Variants in STAU2 observed in about 807,000 individuals in gnomAD.
STAU2 encodes the protein double-stranded RNA-binding protein Staufen homolog 2.
Under a neutral mutation model 65.9 loss-of-function variants are expected in STAU2, and 20 were observed. The observed-to-expected ratio is 0.30, with a 90% CI of 0.21 to 0.44. The LOEUF (loss-of-function observed/expected upper bound fraction) is 0.44. Ranked by LOEUF, STAU2 falls within the 20% of genes least tolerant of loss-of-function variation. STAU2 has a pLI of 1.00. For missense variants in STAU2, 558 were observed against 683.9 expected, an observed-to-expected ratio of 0.82 and a Z score of 2.05; for synonymous variants, 232 against 233.9, an observed-to-expected ratio of 0.99 and a Z score of 0.07.
intron 13 of STAU2, chr8:73,527,396 T>G: frequency 4.0e-6 from 1 of 247,920 alleles, no homozygotes; most frequent in Non-Finnish European, 8.1e-6. Context: ...ACCCTTCCTC[T>G]CATATATAAC....
At chr8:73,601,764 G>A (rs1028543050) in intron 10 of STAU2, among the ~76,000 whole-genome samples, 1 of 152,138 alleles carries the variant, frequency 6.6e-6, no homozygotes, top group African/African-American at 2.4e-5. Flanking sequence ...CCTAAGATAT[G>A]CTAAATTCCT....
At chr8:73,440,008 G>GC (rs1214602192) in intron 13 of STAU2, 1 of 152,254 alleles carries the variant, frequency 6.6e-6, no homozygotes, top group African/African-American at 2.4e-5. Context: ...TAAGAGCGAA[G>GC]CTCAGGGTGC....
At chr8:73,512,164 T>A (rs1314074732) in intron 13 of STAU2, among the ~76,000 whole-genome samples, 2 of 152,228 alleles carry the variant, frequency 1.3e-5, no homozygotes, top group Admixed American at 1.3e-4. Flanking sequence ...ACAGTAAAAC[T>A]TAAAATTCAG....
At chr8:73,670,561 G>C (rs1236573357) in intron 6 of STAU2, 1 of 152,086 alleles carries the variant, frequency 6.6e-6, no homozygotes, top group Non-Finnish European at 1.5e-5. Flanking sequence ...GAGAGGAAAA[G>C]GGAAGGGCAG....
intron 11 of STAU2, among the ~76,000 whole-genome samples, chr8:73,592,224 GAAGA>G (rs1472944888): frequency 1.3e-5 from 2 of 150,930 alleles, no homozygotes; most frequent in Non-Finnish European, 3.0e-5. Context: ...AAACTGAACA[GAAGA>G]AAAAGAGAAA....
At chr8:73,549,108 A>G (rs1807141973) in intron 13 of STAU2, among the ~76,000 whole-genome samples, 1 of 152,164 alleles carries the variant, frequency 6.6e-6, no homozygotes, top group Non-Finnish European at 1.5e-5. Flanking sequence ...CATTATAGTA[A>G]AAGTGTACAC....
At chr8:73,464,210 A>G (rs1002488328) in intron 13 of STAU2, among the ~76,000 whole-genome samples, 2 of 152,112 alleles carry the variant, frequency 1.3e-5, no homozygotes, top group African/African-American at 4.8e-5. Flanking sequence ...CAGATAGATC[A>G]AGCAGAACCC....
intron 13 of STAU2, chr8:73,527,835 A>G (rs1471496909): frequency 6.7e-7 from 1 of 1,485,290 alleles, no homozygotes; most frequent in Admixed American, 2.0e-5. Context: ...TCCACTGAAC[A>G]CCATTTTCAG....
intron 13 of STAU2, among the ~76,000 whole-genome samples, chr8:73,498,621 G>A (rs966352847): frequency 2.0e-5 from 3 of 151,530 alleles, no homozygotes; most frequent in African/African-American, 4.8e-5. Flanking sequence ...TAGGCATGGC[G>A]CTGACATAAA....
chr8:73,582,705 G>C, intron 12 of STAU2, 65 bp downstream of exon 12: 7 of 1,501,814 alleles, frequency 4.7e-6, no homozygotes, highest in Non-Finnish European at 6.5e-6. Flanking sequence ...ACCAATCCCA[G>C]TGACAGCTAG....
chr8:73,665,568 C>T (rs891675653), intron 6 of STAU2, among the ~76,000 whole-genome samples: 7 of 152,254 alleles, frequency 4.6e-5, no homozygotes, highest in Admixed American at 2.0e-4. Context: ...CAGTTTCATA[C>T]GGTTTAACCT....
intron 10 of STAU2, among the ~76,000 whole-genome samples, chr8:73,595,912 G>C (rs112986149): frequency 0.028 from 4,316 of 152,134 alleles, 172 homozygotes; most frequent in African/African-American, 0.095. Flanking sequence ...AGGAGTTTGA[G>C]ACCAGCCTGG....
At chr8:73,458,454 A>G (rs1331387584) in intron 13 of STAU2, among the ~76,000 whole-genome samples, 4 of 152,254 alleles carry the variant, frequency 2.6e-5, no homozygotes, top group Non-Finnish European at 5.9e-5. Flanking sequence ...AAAGAGAAAA[A>G]AGCCTGCAGT....
Position 73,603,707 on chromosome 8 carries a change from T to G in STAU2, c.1029+19A>C. The G allele has an allele frequency of 6.2e-7, 1 of 1,606,052 alleles. No individual in the cohort carries two copies. The highest frequency in any genetic ancestry group is 2.3e-4 in the Middle Eastern group (1 of 4,390). On this transcript the variant is annotated intron_variant, in intron 10 of 14. Transcript: ENST00000524300. ...GGGATTTCTAAATCTTTTCAATAGT[T>G]TTAAAAGGTTAGAAATACCTGCATC...
At chr8:73,699,138 G>A (rs530758915) in intron 4 of STAU2, among the ~76,000 whole-genome samples, 6 of 151,648 alleles carry the variant, frequency 4.0e-5, no homozygotes, top group African/African-American at 9.7e-5. Context: ...TCCTTGAAAC[G>A]AATGGTAAAC....
At chr8:73,505,894 C>T (rs1172011682) in intron 13 of STAU2, among the ~76,000 whole-genome samples, 3 of 152,006 alleles carry the variant, frequency 2.0e-5, no homozygotes, top group Non-Finnish European at 4.4e-5. Context: ...TAAGTGAGTT[C>T]TCACTCATCA....
At chr8:73,711,131 CAAA>C (rs751087630) in intron 3 of STAU2, among the ~76,000 whole-genome samples, 25 of 31,092 alleles carry the variant, frequency 8.0e-4, no homozygotes, top group African/African-American at 2.1e-3. Flanking sequence ...AAGTGGCTTG[CAAA>C]AAAAAAAAAA....
At chr8:73,609,929 A>G (rs1812322483) in intron 9 of STAU2, among the ~76,000 whole-genome samples, 1 of 152,184 alleles carries the variant, frequency 6.6e-6, no homozygotes, top group South Asian at 2.1e-4. Context: ...GATTGCAATG[A>G]AAAGAATCAG....
At chr8:73,611,543 G>A (rs1812458885) in intron 9 of STAU2, among the ~76,000 whole-genome samples, 1 of 151,946 alleles carries the variant, frequency 6.6e-6, no homozygotes, top group South Asian at 2.1e-4. Context: ...CCCACCTCTG[G>A]GGAATAACAT....
Sources: allele counts gnomAD v4.1 joint callset (sites outside exome capture counted in the v4.1 genomes callset), GRCh38; gene constraint gnomAD v4.1.1; transcripts MANE v1.5; gene names NCBI Gene and HGNC (gene_info 2026-07-23, HGNC 2026-07-21).